The following SLC24A2 variants were observed in gnomAD, a reference collection of about 807,000 sequenced individuals.
The protein encoded by SLC24A2 is sodium/potassium/calcium exchanger 2.
SLC24A2 carries 36 observed loss-of-function variants against 62.0 expected under a neutral mutation model. The observed-to-expected ratio is 0.58, with a 90% CI of 0.44 to 0.77. The LOEUF is 0.77. SLC24A2 is among the 30% of genes least tolerant of loss of function. The pLI, the probability that SLC24A2 is intolerant of heterozygous loss-of-function variation, is 0.00. For missense variants in SLC24A2, 846 were observed against 817.9 expected (o/e 1.03, Z -0.42); for synonymous variants, 358 against 294.0 (o/e 1.22, Z -2.23).
the SLC24A2 span, among the ~76,000 whole-genome samples, chr9:20,233,396 G>T: frequency 8.5e-5 from 13 of 152,166 alleles, no homozygotes; most frequent in African/African-American, 3.1e-4. Flanking sequence ...CTTGCTTTAT[G>T]AATCTGGGTT....
the SLC24A2 span, among the ~76,000 whole-genome samples, chr9:20,248,562 G>GGC: frequency 6.6e-6 from 1 of 152,018 alleles, no homozygotes; most frequent in Non-Finnish European, 1.5e-5. Flanking sequence ...CTTTTATAAG[G>GGC]GCACTAATCC....
At chr9:19,544,317 A>G (rs1050274745) in intron 8 of SLC24A2, among the ~76,000 whole-genome samples, 2 of 122,582 alleles carry the variant, frequency 1.6e-5, no homozygotes, top group African/African-American at 3.2e-5. Flanking sequence ...TTTTAAGCCT[A>G]TGTTTGTCTT....
the SLC24A2 span, among the ~76,000 whole-genome samples, chr9:20,039,737 G>A: frequency 6.6e-6 from 1 of 152,086 alleles, no homozygotes; most frequent in Non-Finnish European, 1.5e-5. Context: ...TGGAGAATGA[G>A]GTAGGAACCA....
the SLC24A2 span, among the ~76,000 whole-genome samples, chr9:20,183,412 C>A: frequency 6.6e-6 from 1 of 152,168 alleles, no homozygotes; most frequent in Non-Finnish European, 1.5e-5. Flanking sequence ...CAGCCATGTT[C>A]CTTTGGAGAG....
intron 2 of SLC24A2, among the ~76,000 whole-genome samples, chr9:19,644,186 C>T (rs765270821): frequency 1.1e-4 from 16 of 152,062 alleles, no homozygotes; most frequent in Admixed American, 2.0e-4. Flanking sequence ...AAAGTAATGG[C>T]ATGTGTGGTG....
chr9:19,646,711 A>G (rs1396464120), intron 2 of SLC24A2, among the ~76,000 whole-genome samples: 2 of 152,144 alleles, frequency 1.3e-5, no homozygotes, highest in African/African-American at 2.4e-5. Context: ...TCTTCCCACA[A>G]TATTACTTCC....
In SLC24A2 at chr9:19,515,894, G is replaced by C. The variant is rs1404159230; in HGVS notation, c.*259C>G. Reference sequence around the variant, plus strand: ...TACCTCCGACCAGCGAGGTGTACTTGTCAGTGGTGAATAGGGAGAAGCCCT... The same window carrying C: ...TACCTCCGACCAGCGAGGTGTACTTCTCAGTGGTGAATAGGGAGAAGCCCT... On this transcript the variant is annotated 3_prime_UTR_variant, in exon 11 of 11. Coordinates refer to ENST00000341998, the MANE Select transcript of SLC24A2 (RefSeq NM_020344.4). 5 of 482,186 alleles carry C rather than the reference G, an allele frequency of 1.0e-5. No individual in the cohort carries two copies. The highest frequency in any genetic ancestry group is 4.1e-5 in the East Asian group (1 of 24,526). The allele number at this position is 482,186 out of a possible 1,614,324, so 29.9% of individuals were successfully genotyped here. A position where few individuals can be genotyped will look rare whatever the true frequency, so the allele number is the denominator to read the frequency against.
At chr9:19,861,499 A>C in the SLC24A2 span, among the ~76,000 whole-genome samples, 4 of 152,292 alleles carry the variant, frequency 2.6e-5, no homozygotes, top group East Asian at 7.7e-4. Flanking sequence ...TAAAGACTAC[A>C]ATAAATACCT....
At chr9:20,018,779 T>C in the SLC24A2 span, among the ~76,000 whole-genome samples, 2 of 152,068 alleles carry the variant, frequency 1.3e-5, no homozygotes, top group African/African-American at 4.8e-5. Context: ...AAAAAACCCA[T>C]ATCTTAAAAA....
At chr9:19,573,723 C>T (rs1033413812) in intron 6 of SLC24A2, among the ~76,000 whole-genome samples, 47 of 152,100 alleles carry the variant, frequency 3.1e-4, no homozygotes, top group Non-Finnish European at 8.8e-5. Context: ...CAGTATACGG[C>T]CTGCCCCCTT....
chr9:19,698,773 A>T (rs1199590837), intron 2 of SLC24A2, among the ~76,000 whole-genome samples: 1 of 152,216 alleles, frequency 6.6e-6, no homozygotes, highest in Non-Finnish European at 1.5e-5. Flanking sequence ...GTATTGCAGA[A>T]GGAAAGGAAT....
intron 2 of SLC24A2, among the ~76,000 whole-genome samples, chr9:19,637,635 G>A (rs909061585): frequency 2.0e-5 from 3 of 152,200 alleles, no homozygotes; most frequent in African/African-American, 7.2e-5. Flanking sequence ...CAGGCACAGT[G>A]CGTGGTGTTT....
the SLC24A2 span, among the ~76,000 whole-genome samples, chr9:19,828,559 A>AT: frequency 2.0e-5 from 3 of 152,192 alleles, no homozygotes; most frequent in Non-Finnish European, 4.4e-5. Flanking sequence ...CTGTGAGTAA[A>AT]TTCATTAATG....
the SLC24A2 span, among the ~76,000 whole-genome samples, chr9:20,162,884 T>A: frequency 2.0e-5 from 3 of 152,194 alleles, no homozygotes. Flanking sequence ...AAAAACCACA[T>A]GATTATCTCA....
At chr9:19,990,832 T>C in the SLC24A2 span, among the ~76,000 whole-genome samples, 2 of 138,998 alleles carry the variant, frequency 1.4e-5, no homozygotes, top group South Asian at 2.2e-4. Context: ...TATTGTTACC[T>C]AGTAGCTGTC....
chr9:20,128,239 C>A, the SLC24A2 span, among the ~76,000 whole-genome samples: 2 of 151,996 alleles, frequency 1.3e-5, no homozygotes, highest in Non-Finnish European at 2.9e-5. Flanking sequence ...TCTTCTCTGT[C>A]CATCATTTAA....
intron 2 of SLC24A2, among the ~76,000 whole-genome samples, chr9:19,764,220 T>C (rs1193856364): frequency 2.0e-5 from 3 of 152,214 alleles, no homozygotes; most frequent in African/African-American, 7.2e-5. Flanking sequence ...TTTATTAGTC[T>C]GGCTAGCAGT....
At chr9:19,724,965 A>G (rs535915660) in intron 2 of SLC24A2, among the ~76,000 whole-genome samples, 4 of 152,238 alleles carry the variant, frequency 2.6e-5, no homozygotes, top group East Asian at 1.9e-4. Flanking sequence ...AGCCTCCCCA[A>G]CACTCCTTGC....
chr9:20,018,987 C>G, the SLC24A2 span, among the ~76,000 whole-genome samples: 1,912 of 151,482 alleles, frequency 0.013, 34 homozygotes, highest in African/African-American at 0.043. Flanking sequence ...GCATTTGAGC[C>G]CCAGAGACAG....
Sources: allele counts gnomAD v4.1 joint callset (sites outside exome capture counted in the v4.1 genomes callset), GRCh38; gene constraint gnomAD v4.1.1; transcripts MANE v1.5; gene names NCBI Gene and HGNC (gene_info 2026-07-23, HGNC 2026-07-21).